L3MBTL3: variants seen among roughly 807,000 people sequenced by gnomAD.
L3MBTL3 encodes the protein lethal(3)malignant brain tumor-like protein 3.
A neutral mutation model predicts 102.3 loss-of-function variants in L3MBTL3; 27 were observed. The observed-to-expected ratio is 0.26, with a 90% CI of 0.19 to 0.36. The LOEUF (loss-of-function observed/expected upper bound fraction) is 0.36, where lower values mean the gene tolerates loss of function less well. Among genes scored for constraint, L3MBTL3 ranks in the 10% least tolerant of loss-of-function variants. The pLI is 1.00. For synonymous variants in L3MBTL3, 340 were observed against 320.9 expected, an observed-to-expected ratio of 1.06 and a Z score of -0.64; for missense variants, 798 against 955.3, an observed-to-expected ratio of 0.84 and a Z score of 2.17.
chr6:130,038,766 T>C (rs1161017987), intron 2 of L3MBTL3, among the ~76,000 whole-genome samples: 2 of 152,158 alleles, frequency 1.3e-5, no homozygotes, highest in East Asian at 3.9e-4. Context: ...AGAATCGTTT[T>C]AGTTTCGTAT....
intron 22 of L3MBTL3, chr6:130,138,435 C>T (rs1280264790): frequency 1.3e-5 from 2 of 152,248 alleles, no homozygotes; most frequent in Non-Finnish European, 1.5e-5. Flanking sequence ...AGATGGTGGT[C>T]TCTCTTTGGG....
intron 20 of L3MBTL3, 82 bp downstream of exon 20, chr6:130,121,040 C>T: frequency 1.2e-6 from 1 of 827,044 alleles, no homozygotes; most frequent in Non-Finnish European, 2.0e-6. Context: ...ATACAACAGT[C>T]TCTTTTATGT....
Position 130,083,634 on chromosome 6 carries a change from A to G in L3MBTL3, c.1336A>G (p.Lys446Glu), listed in dbSNP as rs1401654821. The G allele has an allele frequency of 6.6e-7, 1 of 1,520,000 alleles. No individual in the cohort carries two copies. The highest frequency in any genetic ancestry group is 1.4e-5 in the African/African-American group (1 of 69,794). 94.2% of individuals were successfully genotyped at this position (1,520,000 alleles called of 1,614,324 possible). Residue 446 changes from lysine to glutamate, a missense_variant, in exon 15 of 23, where the codon AAA (lysine) becomes GAA (glutamate). Lys to Glu is a moderately conservative substitution (Grantham distance 56). Around this residue, in one of 4 missense-constraint regions of L3MBTL3, gnomAD observed 306 missense variants for 314.4 expected, o/e 0.97. Transcript: ENST00000361794. ...LITPPGYPNV[K>E]HFSWDKYLEE... ...TTCTTTCTTAGGTTATCCAAATGTGAAACATTTTTCTTGGGATAAATACTT... is the reference window on the plus strand; with the variant it reads ...TTCTTTCTTAGGTTATCCAAATGTGGAACATTTTTCTTGGGATAAATACTT...
At chr6:130,115,249 C>G (rs980659602) in intron 19 of L3MBTL3, among the ~76,000 whole-genome samples, 4 of 152,142 alleles carry the variant, frequency 2.6e-5, no homozygotes, top group African/African-American at 9.7e-5. Context: ...CCAAGCCAAA[C>G]TAAGGAGTGA....
At chr6:130,099,189 T>C (rs1338840050) in intron 18 of L3MBTL3, among the ~76,000 whole-genome samples, 1 of 152,116 alleles carries the variant, frequency 6.6e-6, no homozygotes, top group African/African-American at 2.4e-5. Flanking sequence ...GCTAATAGTG[T>C]AGGATGCACC....
intron 16 of L3MBTL3, among the ~76,000 whole-genome samples, chr6:130,088,438 A>G (rs1415520345): frequency 2.0e-5 from 3 of 152,216 alleles, no homozygotes; most frequent in African/African-American, 7.2e-5. Context: ...GAGGAGGAAA[A>G]TGTAGACCAA....
intron 20 of L3MBTL3, among the ~76,000 whole-genome samples, chr6:130,132,566 C>A (rs796671478): frequency 1.1e-4 from 17 of 152,214 alleles, no homozygotes; most frequent in African/African-American, 3.9e-4. Context: ...ATGGGAGGTG[C>A]CTTTCTTCTG....
At chr6:130,059,431 A>C (rs893553579) in intron 9 of L3MBTL3, among the ~76,000 whole-genome samples, 3 of 152,174 alleles carry the variant, frequency 2.0e-5, no homozygotes, top group Non-Finnish European at 2.9e-5. Context: ...ATTCCATCTT[A>C]GGCCTGTTCT....
At chr6:130,021,971 T>C (rs1376873751) in intron 1 of L3MBTL3, among the ~76,000 whole-genome samples, 1 of 152,222 alleles carries the variant, frequency 6.6e-6, no homozygotes, top group Non-Finnish European at 1.5e-5. Flanking sequence ...CCTTGTAACT[T>C]TCACCTGCCT....
In L3MBTL3 at chr6:130,133,930, A is replaced by G. The variant is rs373802997; in HGVS notation, c.2199+25A>G. ...AGTAAGTATTCCACTAAATTGCAAT[A>G]TGTTACTTAATGGGATCAAAGCACT... is the stretch of plus-strand genomic sequence containing the variant. On this transcript the variant is annotated intron_variant, in intron 22 of 22. Transcript: ENST00000361794. The surrounding 1 kb of genome is among the most constrained non-coding windows in gnomAD (Gnocchi z 4.9). 1 of 1,538,326 alleles carries G rather than the reference A, an allele frequency of 6.5e-7. No homozygotes were observed. Among genetic ancestry groups the G allele is most frequent in the South Asian group, 1.1e-5 (1 of 89,572 alleles).
intron 10 of L3MBTL3, among the ~76,000 whole-genome samples, chr6:130,065,699 C>A (rs111675914): frequency 6.6e-5 from 10 of 152,130 alleles, no homozygotes; most frequent in African/African-American, 1.9e-4. Context: ...TCTAAGAATC[C>A]AGGGCAGGGT....
intron 10 of L3MBTL3, among the ~76,000 whole-genome samples, chr6:130,061,082 C>CTTT (rs146750598): frequency 3.5e-5 from 4 of 114,144 alleles, no homozygotes; most frequent in African/African-American, 1.2e-4. Context: ...TCTGTTAGCT[C>CTTT]TTTTTTTTTT....
chr6:130,048,413 C>T (rs1780858167), intron 3 of L3MBTL3, among the ~76,000 whole-genome samples: 1 of 152,114 alleles, frequency 6.6e-6, no homozygotes, highest in Non-Finnish European at 1.5e-5. Context: ...GTGAGTAAAC[C>T]TCACTGTTTC....
chr6:130,126,113 C>T (rs578177761), intron 20 of L3MBTL3, among the ~76,000 whole-genome samples: 3 of 151,798 alleles, frequency 2.0e-5, no homozygotes, highest in Admixed American at 2.0e-4. Flanking sequence ...CCCTCCCTCC[C>T]TCCCTCTCTT....
chr6:130,117,741 C>T lies in L3MBTL3; in HGVS notation c.1887-3138C>T, dbSNP rs150187121. Among the ~76,000 whole-genome samples, 724 of 152,024 alleles carry T rather than the reference C, an allele frequency of 4.8e-3. 6 individuals are homozygous for T. The highest frequency in any genetic ancestry group is 0.016 in the African/African-American group (679 of 41,458). On this transcript the variant is annotated intron_variant, in intron 19 of 22. Coordinates refer to ENST00000361794, the MANE Select transcript of L3MBTL3 (RefSeq NM_032438.4). The stretch of plus-strand genomic sequence containing the variant: ...CTGAGACACAGTCTCACTTTGTCAC[C>T]GAGGCTGAAGTGCAGTGGTGCAATC...
intron 2 of L3MBTL3, among the ~76,000 whole-genome samples, chr6:130,022,953 C>G (rs1779104714): frequency 1.3e-5 from 2 of 152,160 alleles, no homozygotes; most frequent in African/African-American, 4.8e-5. Flanking sequence ...TACTCCAGGT[C>G]CTTCTTTTAG....
In L3MBTL3 at chr6:130,141,007, G is replaced by C. The variant is rs538743667; in HGVS notation, c.*1254G>C. 3.9e-5 allele frequency: 6 copies of C among 152,756 alleles called. 1 individual carries two copies. In the South Asian group the frequency reaches 8.3e-4, roughly 21 times the overall value. 9.5% of individuals were successfully genotyped at this position (152,756 alleles called of 1,614,324 possible). A position where few individuals can be genotyped will look rare whatever the true frequency, so the allele number is the denominator to read the frequency against. Reference sequence around the variant, plus strand: ...GAAAACCCTTGATTATAAATTGATAGCTGGTAGTGTTTCTTTTGCAAGAAT... The same window carrying C: ...GAAAACCCTTGATTATAAATTGATACCTGGTAGTGTTTCTTTTGCAAGAAT... On this transcript the variant is annotated 3_prime_UTR_variant, in exon 23 of 23. Coordinates refer to ENST00000361794, the MANE Select transcript of L3MBTL3 (RefSeq NM_032438.4).
intron 9 of L3MBTL3, among the ~76,000 whole-genome samples, chr6:130,058,035 C>T (rs900116895): frequency 2.4e-4 from 36 of 149,312 alleles, no homozygotes; most frequent in South Asian, 2.1e-4. Context: ...CCCAGCTACT[C>T]GGGAGGCTGA....
intron 18 of L3MBTL3, among the ~76,000 whole-genome samples, chr6:130,097,548 G>A (rs1784435159): frequency 6.6e-6 from 1 of 152,094 alleles, no homozygotes; most frequent in Admixed American, 6.5e-5. Flanking sequence ...ATAATTTAAC[G>A]TTTTTTAAAA....
Sources: allele counts gnomAD v4.1 joint callset (sites outside exome capture counted in the v4.1 genomes callset), GRCh38; gene constraint gnomAD v4.1.1; regional missense constraint gnomAD v4.1.1; non-coding constraint Gnocchi (gnomAD v3.1); transcripts MANE v1.5; gene names NCBI Gene and HGNC (gene_info 2026-07-23, HGNC 2026-07-21).